The following DLC1 variants were observed in gnomAD, a reference collection of about 807,000 sequenced individuals.
DLC1 encodes rho GTPase-activating protein 7.
DLC1 carries 54 observed loss-of-function variants against 140.3 expected under a neutral mutation model. That is an observed-to-expected ratio of 0.38 (90% confidence interval 0.31 to 0.48). DLC1 has a LOEUF of 0.48. Among genes scored for constraint, DLC1 ranks in the 20% least tolerant of loss-of-function variants. DLC1 has a pLI of 0.96. For missense variants in DLC1, 2,536 were observed against 1,907.0 expected, an observed-to-expected ratio of 1.33 and a Z score of -6.14; for synonymous variants, 986 against 728.1, an observed-to-expected ratio of 1.35 and a Z score of -5.70.
intron 5 of DLC1, among the ~76,000 whole-genome samples, chr8:13,185,491 T>G (rs1563146446): frequency 1.3e-5 from 2 of 151,976 alleles, no homozygotes; most frequent in Admixed American, 6.6e-5. Context: ...GTATTTTTAG[T>G]AGAGACAGGA....
intron 2 of DLC1, among the ~76,000 whole-genome samples, chr8:13,470,451 C>G (rs745805517): frequency 3.3e-5 from 5 of 152,050 alleles, no homozygotes; most frequent in Admixed American, 6.6e-5. Context: ...AAAAAATGGA[C>G]AAAGGACATG....
At chr8:13,366,389 T>C (rs1430415081) in intron 4 of DLC1, among the ~76,000 whole-genome samples, 1 of 152,182 alleles carries the variant, frequency 6.6e-6, no homozygotes, top group Non-Finnish European at 1.5e-5. Context: ...CATGGCCCCA[T>C]GAAACTTGCA....
At chr8:13,395,698 C>G (rs569852052) in intron 3 of DLC1, among the ~76,000 whole-genome samples, 1 of 152,020 alleles carries the variant, frequency 6.6e-6, no homozygotes, top group Non-Finnish European at 1.5e-5. Flanking sequence ...TGGAAGGGTA[C>G]AAAAGACATA....
chr8:13,424,902 G>A (rs996695850), intron 2 of DLC1, among the ~76,000 whole-genome samples: 5 of 152,116 alleles, frequency 3.3e-5, no homozygotes, highest in African/African-American at 4.8e-5. Context: ...AGTATTTATC[G>A]CAATCTCTGT....
chr8:13,297,117 T>C (rs927134626), intron 5 of DLC1, among the ~76,000 whole-genome samples: 18 of 151,064 alleles, frequency 1.2e-4, no homozygotes, highest in African/African-American at 4.1e-4. Flanking sequence ...ATGAATTCCT[T>C]GATACCTGAA....
intron 2 of DLC1, among the ~76,000 whole-genome samples, chr8:13,444,244 GAACAATGAGA>G (rs1000695301): frequency 1.3e-5 from 2 of 152,066 alleles, no homozygotes; most frequent in Non-Finnish European, 2.9e-5. Context: ...GGTGGGAGTT[GAACAATGAGA>G]ACACTTGGAC....
intron 2 of DLC1, among the ~76,000 whole-genome samples, chr8:13,459,314 G>C (rs1799551392): frequency 6.6e-6 from 1 of 152,074 alleles, no homozygotes; most frequent in Non-Finnish European, 1.5e-5. Context: ...GGAGGGTGTT[G>C]ACCTTCTCTG....
Position 13,100,632 on chromosome 8 carries a change from C to T in DLC1, c.1705G>A (p.Asp569Asn). The T allele has an allele frequency of 6.2e-7, 1 of 1,614,062 alleles. No homozygotes were observed. Among genetic ancestry groups the T allele is most frequent in the Non-Finnish European group, 8.5e-7 (1 of 1,179,948 alleles). ...CTGGGGCCGTCCTTCGGGTGGGAGT[C>T]GTCTGGGGACCCAGGGACCAGGTCT... ...KQDLVPGSPD[D>N]SHPKDGPSPG... Residue 569 changes from aspartate to asparagine, a missense_variant, in exon 9 of 18, where the codon GAC (aspartate) becomes AAC (asparagine). By Grantham distance (23) the Asp-to-Asn change is conservative. Transcript: ENST00000276297.
chr8:13,262,502 C>G (rs1049479530), intron 5 of DLC1, among the ~76,000 whole-genome samples: 1 of 151,990 alleles, frequency 6.6e-6, no homozygotes, highest in Non-Finnish European at 1.5e-5. Flanking sequence ...AAGAAAATCT[C>G]AAATTCACCA....
At chr8:13,464,907 A>G (rs751333772) in intron 2 of DLC1, among the ~76,000 whole-genome samples, 1 of 151,832 alleles carries the variant, frequency 6.6e-6, no homozygotes, top group Non-Finnish European at 1.5e-5. Context: ...TACTATTTAT[A>G]TCAATATTAT....
intron 1 of DLC1, among the ~76,000 whole-genome samples, chr8:13,535,231 G>A (rs1389503249): frequency 6.6e-6 from 1 of 152,110 alleles, no homozygotes; most frequent in Non-Finnish European, 1.5e-5. Context: ...ATAGTCATGT[G>A]TACATCTCTG....
At chr8:13,564,565 T>A (rs1329313536) in intron 1 of DLC1, among the ~76,000 whole-genome samples, 1 of 152,196 alleles carries the variant, frequency 6.6e-6, no homozygotes, top group Non-Finnish European at 1.5e-5. Flanking sequence ...ACCTGCCAAA[T>A]GCCAACTCAT....
chr8:13,525,659 C>G (rs1802898954), intron 1 of DLC1, among the ~76,000 whole-genome samples: 1 of 152,080 alleles, frequency 6.6e-6, no homozygotes. Context: ...TGTGTTTTGT[C>G]CATTTTCCAA....
At chr8:13,265,753 C>G (rs887915825) in intron 5 of DLC1, among the ~76,000 whole-genome samples, 2 of 150,052 alleles carry the variant, frequency 1.3e-5, no homozygotes, top group African/African-American at 4.9e-5. Flanking sequence ...CTTTCCTTTC[C>G]TCCCTCCCTC....
chr8:13,099,703 G>C lies in DLC1; in HGVS notation c.2634C>G (p.Ile878Met). ...GGATGGAGCCCGGCACGTTGTCGTA[G>C]ATGCTCAGGCGGCTGCTCATGGAGC... ...SSSSMSSRLSIYDNVPGSILY... is the reference protein window; with the variant it reads ...SSSSMSSRLSMYDNVPGSILY... The change falls in exon 9 of 18, where the codon ATC becomes ATG. Residue 878 changes from isoleucine (I) to methionine (M), a missense_variant. Transcript: ENST00000276297. 6.2e-7 allele frequency: 1 copy of C among 1,614,176 alleles called. No homozygotes were observed. The highest frequency in any genetic ancestry group is 8.5e-7 in the Non-Finnish European group (1 of 1,180,020).
intron 1 of DLC1, chr8:13,566,866 C>T: frequency 5.5e-6 from 7 of 1,268,226 alleles, no homozygotes; most frequent in Non-Finnish European, 7.3e-6. Context: ...AGGCGTCTCC[C>T]GGAAGACGAC....
intron 2 of DLC1, among the ~76,000 whole-genome samples, chr8:13,491,507 G>A (rs917465965): frequency 5.3e-5 from 8 of 152,182 alleles, no homozygotes; most frequent in East Asian, 1.9e-4. Flanking sequence ...TAAAATATAC[G>A]TGAATGGATA....
At chr8:13,239,127 G>A (rs1258618263) in intron 5 of DLC1, among the ~76,000 whole-genome samples, 1 of 152,122 alleles carries the variant, frequency 6.6e-6, no homozygotes, top group Non-Finnish European at 1.5e-5. Context: ...TGGGGTCATA[G>A]GTTTCTTATC....
chr8:13,207,212 T>C (rs1328693520), intron 5 of DLC1, among the ~76,000 whole-genome samples: 1 of 152,170 alleles, frequency 6.6e-6, no homozygotes. Context: ...GCACTTGTGG[T>C]AATTTCAAAT....
Sources: gnomAD v4.1 joint callset for allele counts (sites outside exome capture counted in the v4.1 genomes callset) on GRCh38, gnomAD v4.1.1 for gene constraint, MANE v1.5 for transcripts, NCBI Gene and HGNC (gene_info 2026-07-23, HGNC 2026-07-21) for gene names.